The following ZNF445 variants were observed in gnomAD, a reference collection of about 807,000 sequenced individuals.
The protein encoded by ZNF445 is zinc finger protein 445, also known as zinc finger protein 168.
ZNF445 carries 19 observed loss-of-function variants against 93.9 expected under a neutral mutation model. The observed-to-expected ratio is 0.20, with a 90% CI of 0.14 to 0.30. The LOEUF is 0.30. Among genes scored for constraint, ZNF445 ranks in the 10% least tolerant of loss-of-function variants. ZNF445 has a pLI of 1.00. For missense variants in ZNF445, 1,058 were observed against 1,259.4 expected (o/e 0.84, Z 2.42); for synonymous variants, 449 against 446.3 (o/e 1.01, Z -0.08).
At chr3:44,472,634 A>G (rs1698286334) in intron 1 of ZNF445, among the ~76,000 whole-genome samples, 1 of 152,202 alleles carries the variant, frequency 6.6e-6, no homozygotes, top group Non-Finnish European at 1.5e-5. Flanking sequence ...GCAATCATGA[A>G]CATGAATAAA....
rs2125675252 is a variant in ZNF445 at position 44,439,113 on chromosome 3, C to T, written c.*7462G>A. On this transcript the variant is annotated 3_prime_UTR_variant, in exon 8 of 8. Coordinates refer to ENST00000396077, the MANE Select transcript of ZNF445 (RefSeq NM_181489.6). ...GTCACTTGAGGTCAGGAGTTCAAGA[C>T]CAGCTTGGGCAACATGGCCAAACCT... The T allele has an allele frequency of 6.6e-6, 1 of 151,826 alleles. No homozygotes were observed. Among genetic ancestry groups the T allele is most frequent in the Admixed American group, 6.6e-5 (1 of 15,266 alleles). 9.4% of individuals were successfully genotyped at this position (151,826 alleles called of 1,614,324 possible). A position where few individuals can be genotyped will look rare whatever the true frequency, so the allele number is the denominator to read the frequency against.
intron 5 of ZNF445, 71 bp downstream of exon 5, chr3:44,450,797 G>A: frequency 7.4e-7 from 1 of 1,356,694 alleles, no homozygotes; most frequent in Non-Finnish European, 9.9e-7. Context: ...AACCCAGGAT[G>A]GGGAAGCTGC....
Position 44,435,179 on chromosome 3 carries a change from C to T in ZNF445, c.*11396G>A, listed in dbSNP as rs1222829553. The T allele has an allele frequency of 6.6e-6, 1 of 152,214 alleles. No homozygotes were observed. Among genetic ancestry groups the T allele is most frequent in the East Asian group, 1.9e-4 (1 of 5,204 alleles). 9.4% of individuals were successfully genotyped at this position (152,214 alleles called of 1,614,324 possible). The stretch of plus-strand genomic sequence containing the variant: ...CACTGCCAATCACCTTTCCCCATGC[C>T]TCAGACCACCCTACTTCTCTAACCT... On this transcript the variant is annotated 3_prime_UTR_variant, in exon 8 of 8. Transcript: ENST00000396077.
intron 3 of ZNF445, among the ~76,000 whole-genome samples, chr3:44,453,853 C>A (rs1039726696): frequency 3.9e-5 from 6 of 152,124 alleles, no homozygotes; most frequent in Non-Finnish European, 8.8e-5. Flanking sequence ...TTCTTCTCAA[C>A]GAACAGAGGC....
In ZNF445 at chr3:44,445,511, T is replaced by G. The variant is rs1697868089; in HGVS notation, c.*1064A>C. 1 of 152,658 alleles carries G rather than the reference T, an allele frequency of 6.6e-6. No homozygotes were observed. The highest frequency in any genetic ancestry group is 1.5e-5 in the Non-Finnish European group (1 of 68,462). 9.5% of individuals were successfully genotyped at this position (152,658 alleles called of 1,614,324 possible). A position where few individuals can be genotyped will look rare whatever the true frequency, so the allele number is the denominator to read the frequency against. ...GGCCTCCCTGGCCCCTCTCCTTCCC[T>G]TCCAGCTGGCTCCCTGCACTCCATC... On this transcript the variant is annotated 3_prime_UTR_variant, in exon 8 of 8. Transcript: ENST00000396077.
At chr3:44,459,795 G>A (rs998267599) in intron 1 of ZNF445, among the ~76,000 whole-genome samples, 1 of 152,108 alleles carries the variant, frequency 6.6e-6, no homozygotes, top group South Asian at 2.1e-4. Flanking sequence ...TGGGACAACT[G>A]GCTAGCCAAA....
At chr3:44,450,595 G>T in intron 5 of ZNF445, 22 bp from the exon 6 acceptor site, 1 of 1,608,950 alleles carries the variant, frequency 6.2e-7, no homozygotes, top group Non-Finnish European at 8.5e-7. Context: ...CTGTGCCCTA[G>T]AGCTGGTCCA....
chr3:44,469,576 C>G (rs1698238159), intron 1 of ZNF445, among the ~76,000 whole-genome samples: 1 of 152,076 alleles, frequency 6.6e-6, no homozygotes, highest in Admixed American at 6.5e-5. Flanking sequence ...TGAGAACAGC[C>G]TGGCAAACAT....
intron 1 of ZNF445, among the ~76,000 whole-genome samples, chr3:44,459,321 A>G (rs1311671159): frequency 6.6e-6 from 1 of 152,232 alleles, no homozygotes; most frequent in African/African-American, 2.4e-5. Flanking sequence ...TCAACAAAAT[A>G]AAACACCCAG....
At chr3:44,473,490 C>CACACACACAAAAAA (rs774842477) in intron 1 of ZNF445, among the ~76,000 whole-genome samples, 7 of 56,930 alleles carry the variant, frequency 1.2e-4, no homozygotes, top group African/African-American at 3.1e-4. Flanking sequence ...CACACACACA[C>CACACACACAAAAAA]AAAAAATGCT....
chr3:44,462,231 A>G (rs1488969665), intron 1 of ZNF445, among the ~76,000 whole-genome samples: 1 of 152,168 alleles, frequency 6.6e-6, no homozygotes, highest in African/African-American at 2.4e-5. Flanking sequence ...TTACTTTGCT[A>G]CGGGTCTCCG....
intron 1 of ZNF445, among the ~76,000 whole-genome samples, chr3:44,472,891 C>G (rs1022189021): frequency 1.3e-5 from 2 of 152,170 alleles, no homozygotes; most frequent in East Asian, 1.9e-4. Context: ...GACTCTCCCC[C>G]CAGAGCTTTA....
intron 1 of ZNF445, among the ~76,000 whole-genome samples, chr3:44,460,897 T>G (rs1698105043): frequency 6.6e-6 from 1 of 152,142 alleles, no homozygotes; most frequent in Non-Finnish European, 1.5e-5. Flanking sequence ...CTGCCCATGG[T>G]TCAGTGGCCC....
chr3:44,475,920 A>G (rs906578409), intron 1 of ZNF445, among the ~76,000 whole-genome samples: 3 of 152,120 alleles, frequency 2.0e-5, no homozygotes, highest in African/African-American at 7.2e-5. Context: ...AATCACTTGA[A>G]CCCAGGAGGC....
intron 3 of ZNF445, among the ~76,000 whole-genome samples, chr3:44,453,455 C>T (rs1196590359): frequency 3.3e-5 from 5 of 151,940 alleles, no homozygotes; most frequent in African/African-American, 9.7e-5. Flanking sequence ...CCACCACACC[C>T]GGCTAATTTC....
At chr3:44,461,055 G>A (rs1464131238) in intron 1 of ZNF445, among the ~76,000 whole-genome samples, 2 of 152,176 alleles carry the variant, frequency 1.3e-5, no homozygotes, top group Non-Finnish European at 2.9e-5. Context: ...GTCCTGGGGG[G>A]ACATCCCTTA....
In ZNF445 at chr3:44,432,895, T is replaced by C. The variant is rs1423883619; in HGVS notation, c.*13680A>G. On this transcript the variant is annotated 3_prime_UTR_variant, in exon 8 of 8. Transcript: ENST00000396077. Reference sequence around the variant, plus strand: ...TTTAAGTCGGTGGAGTTACAACCCATGGATTCCTTTGTGTCTGCTTCCTTT... The same window carrying C: ...TTTAAGTCGGTGGAGTTACAACCCACGGATTCCTTTGTGTCTGCTTCCTTT... The C allele has an allele frequency of 1.3e-5, 2 of 152,198 alleles. No individual in the cohort carries two copies. The allele number at this position is 152,198 out of a possible 1,614,324, so 9.4% of individuals were successfully genotyped here.
At chr3:44,467,416 T>G (rs187306134) in intron 1 of ZNF445, among the ~76,000 whole-genome samples, 12 of 152,290 alleles carry the variant, frequency 7.9e-5, no homozygotes, top group Non-Finnish European at 1.5e-5. Flanking sequence ...TAGAGCCAAT[T>G]AAAGCCTGTT....
Position 44,447,491 on chromosome 3 carries a change from T to G in ZNF445, c.2180A>C (p.His727Pro). Residue 727 changes from histidine to proline, a missense_variant, in exon 8 of 8, where the codon CAT becomes CCT. By Grantham distance (77) the His-to-Pro change is moderately conservative (BLOSUM62 -2). This residue lies in a region of ZNF445 where 387 missense variants were observed against 475.7 expected (regional missense o/e 0.81). Coordinates refer to ENST00000396077, the MANE Select transcript of ZNF445 (RefSeq NM_181489.6). This position sits in a 1 kb window ranked among gnomAD's most constrained non-coding sequence, Gnocchi z 4.7. ...DFAYRSAFIVHKKKHAMKRKP... is the reference protein window; with the variant it reads ...DFAYRSAFIVPKKKHAMKRKP... ...TCTTTTCATGGCATGCTTCTTCTTA[T>G]GAACAATAAAGGCTGACCTATAGGC... 2 of 1,614,212 alleles carry G rather than the reference T, an allele frequency of 1.2e-6. No individual in the cohort carries two copies. Among genetic ancestry groups the G allele is most frequent in the East Asian group, 4.5e-5 (2 of 44,894 alleles).
Sources: allele counts gnomAD v4.1 joint callset (sites outside exome capture counted in the v4.1 genomes callset), GRCh38; gene constraint gnomAD v4.1.1; regional missense constraint gnomAD v4.1.1; non-coding constraint Gnocchi (gnomAD v3.1); transcripts MANE v1.5; gene names NCBI Gene and HGNC (gene_info 2026-07-23, HGNC 2026-07-21).